PRKG1: variants seen among roughly 807,000 people sequenced by gnomAD.
PRKG1 encodes the protein cGMP-dependent protein kinase 1.
Under a neutral mutation model 88.1 loss-of-function variants are expected in PRKG1, and 35 were observed. The observed-to-expected ratio is 0.40, with a 90% CI of 0.30 to 0.53. PRKG1 has a LOEUF of 0.53. Ranked by LOEUF, PRKG1 falls within the 20% of genes least tolerant of loss-of-function variation. PRKG1 has a pLI of 0.59. For synonymous variants in PRKG1, 303 were observed against 292.5 expected, an observed-to-expected ratio of 1.04 and a Z score of -0.37; for missense variants, 540 against 839.8, an observed-to-expected ratio of 0.64 and a Z score of 4.41.
At chr10:51,496,353 T>C (rs1046773748) in intron 3 of PRKG1, among the ~76,000 whole-genome samples, 1 of 152,288 alleles carries the variant, frequency 6.6e-6, no homozygotes, top group African/African-American at 2.4e-5. Context: ...TGATGTGTTA[T>C]TGGGTTGCAG....
At chr10:51,955,387 A>G (rs186298101) in intron 5 of PRKG1, among the ~76,000 whole-genome samples, 2 of 152,280 alleles carry the variant, frequency 1.3e-5, no homozygotes, top group African/African-American at 4.8e-5. Context: ...GGTACACCAT[A>G]TTGAAGTACC....
intron 5 of PRKG1, among the ~76,000 whole-genome samples, chr10:51,934,912 A>G (rs1003030612): frequency 2.0e-5 from 3 of 152,192 alleles, no homozygotes; most frequent in African/African-American, 7.2e-5. Context: ...AAGCTAATCA[A>G]TAAGCCAGGA....
intron 1 of PRKG1, among the ~76,000 whole-genome samples, chr10:51,131,030 A>G (rs1052130630): frequency 4.6e-5 from 7 of 152,236 alleles, no homozygotes; most frequent in Non-Finnish European, 8.8e-5. Context: ...TTAAAGTCCA[A>G]ATATTTATTA....
chr10:51,125,594 A>C (rs917764393), intron 1 of PRKG1, among the ~76,000 whole-genome samples: 3 of 149,438 alleles, frequency 2.0e-5, no homozygotes, highest in Non-Finnish European at 3.0e-5. Context: ...AGGCAAGAGA[A>C]TTGCTTGAAC....
intron 3 of PRKG1, among the ~76,000 whole-genome samples, chr10:51,470,079 G>T (rs1840009855): frequency 6.6e-6 from 1 of 151,610 alleles, no homozygotes; most frequent in South Asian, 2.1e-4. Flanking sequence ...TAAACCTTCA[G>T]GCTGGATATG....
intron 4 of PRKG1, among the ~76,000 whole-genome samples, chr10:51,847,517 A>G (rs998135981): frequency 1.3e-5 from 2 of 152,002 alleles, no homozygotes; most frequent in Admixed American, 6.6e-5. Context: ...CTCATTGCAA[A>G]TGATTCTCCA....
intron 9 of PRKG1, among the ~76,000 whole-genome samples, chr10:52,174,257 G>A (rs1236692368): frequency 6.6e-6 from 1 of 151,404 alleles, no homozygotes; most frequent in South Asian, 2.1e-4. Flanking sequence ...TTTCACATGA[G>A]CTCCAAAAAG....
intron 5 of PRKG1, 27 bp downstream of exon 5, chr10:51,907,597 T>C: frequency 3.1e-6 from 5 of 1,591,446 alleles, no homozygotes; most frequent in Non-Finnish European, 4.3e-6. Flanking sequence ...TTTGAACTTT[T>C]TGAGATGGGA....
At chr10:51,652,070 A>C (rs1012355284) in intron 3 of PRKG1, among the ~76,000 whole-genome samples, 4 of 152,166 alleles carry the variant, frequency 2.6e-5, no homozygotes, top group African/African-American at 9.7e-5. Flanking sequence ...TTTAACAAGA[A>C]TTGAGTTTCT....
chr10:52,161,732 A>T (rs1838280800), intron 8 of PRKG1, among the ~76,000 whole-genome samples, 157 bp from the exon 9 acceptor site: 1 of 152,122 alleles, frequency 6.6e-6, no homozygotes, highest in African/African-American at 2.4e-5. Flanking sequence ...TCTAGTCAGG[A>T]AAAATGTCTG....
At chr10:51,605,248 G>A (rs945342284) in intron 3 of PRKG1, among the ~76,000 whole-genome samples, 1 of 152,104 alleles carries the variant, frequency 6.6e-6, no homozygotes, top group African/African-American at 2.4e-5. Flanking sequence ...AGGATGGGGG[G>A]GCATGGTGGA....
chr10:51,854,181 A>T (rs1840624399), intron 4 of PRKG1, among the ~76,000 whole-genome samples: 1 of 152,122 alleles, frequency 6.6e-6, no homozygotes, highest in Non-Finnish European at 1.5e-5. Flanking sequence ...AGGCATTATT[A>T]ACCTCCCTCT....
intron 2 of PRKG1, among the ~76,000 whole-genome samples, chr10:51,213,778 ATG>A (rs1391229443): frequency 6.6e-6 from 1 of 151,862 alleles, no homozygotes; most frequent in Non-Finnish European, 1.5e-5. Flanking sequence ...GTGTGTGTTT[ATG>A]TGTGTGTGCA....
intron 5 of PRKG1, among the ~76,000 whole-genome samples, chr10:52,054,113 G>A (rs777614294): frequency 2.6e-5 from 4 of 151,986 alleles, no homozygotes; most frequent in African/African-American, 7.3e-5. Context: ...TCAAACAATC[G>A]AAATGAATGA....
chr10:52,090,684 C>T (rs1847034672), intron 7 of PRKG1, among the ~76,000 whole-genome samples: 1 of 152,090 alleles, frequency 6.6e-6, no homozygotes, highest in South Asian at 2.1e-4. Context: ...AACATGTGTC[C>T]ACATAAACAT....
intron 9 of PRKG1, among the ~76,000 whole-genome samples, chr10:52,239,643 G>T (rs114941090): frequency 6.6e-6 from 1 of 150,698 alleles, no homozygotes; most frequent in Non-Finnish European, 1.5e-5. Context: ...ATTTAGGGCT[G>T]TTCAACTAGA....
intron 4 of PRKG1, among the ~76,000 whole-genome samples, chr10:51,900,891 TCACA>T (rs1393287865): frequency 6.6e-6 from 1 of 152,152 alleles, no homozygotes; most frequent in East Asian, 1.9e-4. Context: ...CAATATTTTG[TCACA>T]CACACAATAT....
At chr10:51,169,212 C>T (rs1904687) in intron 2 of PRKG1, among the ~76,000 whole-genome samples, 72,912 of 151,954 alleles carry the variant, frequency 0.48, 17,845 homozygotes, top group African/African-American at 0.6. Flanking sequence ...TCTCTAATAC[C>T]ATAATGTTTT....
intron 3 of PRKG1, among the ~76,000 whole-genome samples, chr10:51,558,617 A>C (rs1433878953): frequency 6.6e-6 from 1 of 152,090 alleles, no homozygotes; most frequent in Non-Finnish European, 1.5e-5. Flanking sequence ...TGTTGGGCTT[A>C]GTTGATTTAG....
Sources: gnomAD v4.1 joint callset for allele counts (sites outside exome capture counted in the v4.1 genomes callset) on GRCh38, gnomAD v4.1.1 for gene constraint, MANE v1.5 for transcripts, NCBI Gene and HGNC (gene_info 2026-07-23, HGNC 2026-07-21) for gene names.